Variants in RNASEH2B observed in about 807,000 individuals in gnomAD.
RNASEH2B encodes the protein Aicardi-Goutieres syndrome 2 protein.
Under a neutral mutation model 45.0 loss-of-function variants are expected in RNASEH2B, and 36 were observed. The ratio of observed to expected loss-of-function variants is 0.80; its 90% CI spans 0.61 to 1.06. The LOEUF (loss-of-function observed/expected upper bound fraction) is 1.06. Among genes scored for constraint, RNASEH2B ranks in the 50% least tolerant of loss-of-function variants. The pLI is 0.00. For missense variants in RNASEH2B, 361 were observed against 360.3 expected (o/e 1.00, Z -0.02); for synonymous variants, 119 against 125.7 (o/e 0.95, Z 0.35).
Position 50,956,598 on chromosome 13 carries a change from A to G in RNASEH2B, c.*124A>G, listed in dbSNP as rs1441319652. On this transcript the variant is annotated 3_prime_UTR_variant, in exon 11 of 11. Coordinates refer to ENST00000336617, the MANE Select transcript of RNASEH2B (RefSeq NM_024570.4). ...AGGCCAATTTCATGTTCTCTTAAAC[A>G]TTTCTTTGCATTTGGTTTTTGTGTT... is the stretch of plus-strand genomic sequence containing the variant. 26 of 1,483,628 alleles carry G rather than the reference A, an allele frequency of 1.8e-5. No homozygotes were observed. Among genetic ancestry groups the G allele is most frequent in the Non-Finnish European group, 2.2e-5 (25 of 1,114,126 alleles). 91.9% of individuals were successfully genotyped at this position (1,483,628 alleles called of 1,614,324 possible).
At chr13:50,927,935 T>C (rs1951621715) in intron 2 of RNASEH2B, among the ~76,000 whole-genome samples, 1 of 151,638 alleles carries the variant, frequency 6.6e-6, no homozygotes, top group South Asian at 2.1e-4. Flanking sequence ...GTTTTAGCTA[T>C]ACTTCCCTAT....
chr13:50,963,156 T>TTTTA lies in RNASEH2B; in HGVS notation c.742-6756_742-6753dup, dbSNP rs556918908. On this transcript the variant is annotated intron_variant, in intron 9 of 9. Transcript: ENST00000422660. The stretch of plus-strand genomic sequence containing the variant: ...TTAATTTTTACTTTAAATATTGTAA[T>TTTTA]TTTATTTATTTATTTATTTATTTTT... Among the ~76,000 whole-genome samples, 47 of 152,080 alleles carry TTTTA rather than the reference T, an allele frequency of 3.1e-4. 1 individual carries two copies. Among genetic ancestry groups the TTTTA allele is most frequent in the East Asian group, 5.8e-4 (3 of 5,184 alleles).
At chr13:50,949,430 G>A (rs746773572) in intron 8 of RNASEH2B, 33 bp from the exon 9 acceptor site, 85 of 1,607,348 alleles carry the variant, frequency 5.3e-5, no homozygotes, top group Non-Finnish European at 6.6e-5. Flanking sequence ...TATGAAAAAC[G>A]ATGACTTTGA....
rs1395100551 is a variant in RNASEH2B, at chr13:50,949,459, T to C, written c.699-4T>C. The C allele has an allele frequency of 6.2e-7, 1 of 1,613,336 alleles. No individual in the cohort carries two copies. Among genetic ancestry groups the C allele is most frequent in the East Asian group, 2.2e-5 (1 of 44,826 alleles). ...ACTTTGATTGTTATTTTTAACTTTC[T>C]TAGGCTTCCAGAACCTTCAGCCTCA... On this transcript the variant is annotated splice_region_variant and splice_polypyrimidine_tract_variant and intron_variant, in intron 8 of 10. Coordinates refer to ENST00000336617, the MANE Select transcript of RNASEH2B (RefSeq NM_024570.4).
intron 8 of RNASEH2B, chr13:50,949,183 T>G: frequency 2.9e-6 from 1 of 347,636 alleles, no homozygotes; most frequent in Admixed American, 4.3e-5. Context: ...GAAACACAAA[T>G]TTATAGAGGC....
At chr13:50,953,067 C>T (rs552003697) in intron 9 of RNASEH2B, 1 of 152,236 alleles carries the variant, frequency 6.6e-6, no homozygotes, top group Admixed American at 6.5e-5. Flanking sequence ...CTGGTGTCTC[C>T]ATAAACAGCC....
downstream of RNASEH2B, among the ~76,000 whole-genome samples, chr13:50,958,380 T>C (rs568663806): frequency 6.6e-6 from 1 of 152,196 alleles, no homozygotes; most frequent in East Asian, 1.9e-4. Flanking sequence ...TTGTTGACTT[T>C]GTTGGAGATC....
intron 9 of RNASEH2B, among the ~76,000 whole-genome samples, chr13:50,964,652 A>G (rs1379327801): frequency 1.3e-5 from 2 of 152,222 alleles, no homozygotes; most frequent in Admixed American, 6.5e-5. Context: ...GGATGAGTAC[A>G]TGATAGTCAG....
At chr13:50,949,617 A>C in intron 9 of RNASEH2B, 112 bp downstream of exon 9, 1 of 929,570 alleles carries the variant, frequency 1.1e-6, no homozygotes, top group African/African-American at 1.6e-5. Flanking sequence ...TCCATTTTGC[A>C]TGGAGTGATG....
At chr13:50,956,032 G>A (rs571841981) in intron 10 of RNASEH2B, 156 of 237,770 alleles carry the variant, frequency 6.6e-4, no homozygotes, top group African/African-American at 1.6e-3. Flanking sequence ...TGACAATTGC[G>A]GCCTGTGTCA....
chr13:50,965,699 C>T (rs902059278), intron 9 of RNASEH2B, among the ~76,000 whole-genome samples: 4 of 152,084 alleles, frequency 2.6e-5, no homozygotes, highest in Non-Finnish European at 4.4e-5. Flanking sequence ...CTTGTATGGG[C>T]CTTAAATTTG....
chr13:50,943,996 G>A (rs1339672151), intron 6 of RNASEH2B, among the ~76,000 whole-genome samples: 9 of 151,214 alleles, frequency 6.0e-5, no homozygotes, highest in South Asian at 2.1e-4. Flanking sequence ...GGGATGGGAC[G>A]GGACAGGACG....
intron 1 of RNASEH2B, among the ~76,000 whole-genome samples, chr13:50,924,787 A>G (rs902074559): frequency 1.3e-5 from 2 of 152,180 alleles, no homozygotes; most frequent in Non-Finnish European, 2.9e-5. Context: ...GGCTCAAGCA[A>G]TCTGTCCACC....
rs117857117 is a variant in RNASEH2B at position 50,920,396 on chromosome 13, C to T, written c.65-7011C>T. On this transcript the variant is annotated intron_variant, in intron 1 of 10. Transcript: ENST00000336617. ...ATTTGCTGCCAGAGTTAATGGTGAC[C>T]GGTGGGATATACAATTGAATCTTTA... 1.4e-4 allele frequency among the ~76,000 whole-genome samples: 22 copies of T among 152,164 alleles called. 1 individual carries two copies. Among genetic ancestry groups the T allele is most frequent in the East Asian group, 9.6e-4 (5 of 5,186 alleles).
downstream of RNASEH2B, chr13:50,959,794 T>A (rs1952092767): frequency 6.3e-6 from 1 of 159,894 alleles, no homozygotes; most frequent in Admixed American, 6.4e-5. Flanking sequence ...ATCTAGAGAA[T>A]GTGTAATTAT....
chr13:50,933,941 C>T (rs1400467275), intron 4 of RNASEH2B: 1 of 152,072 alleles, frequency 6.6e-6, no homozygotes, highest in East Asian at 1.9e-4. Flanking sequence ...GTATGGCAAG[C>T]TATCACGTGT....
intron 1 of RNASEH2B, among the ~76,000 whole-genome samples, chr13:50,920,167 C>T (rs1951503946): frequency 6.6e-6 from 1 of 152,162 alleles, no homozygotes; most frequent in African/African-American, 2.4e-5. Flanking sequence ...GCCTCAGCCT[C>T]CCAAGTAGCT....
chr13:50,910,130 C>A lies in RNASEH2B; in HGVS notation c.54C>A (p.Phe18Leu). ...GGGTTGGCGCCCGGCAGCACGTGTT[C>A]CTGGTTTCAGGTAAACACGCGCGCC... ...GDGVGARQHV[F>L]LVSEYLKDAS... The change falls in exon 1 of 11, where the codon TTC becomes TTA. Residue 18 changes from phenylalanine (F) to leucine (L), a missense_variant. Physicochemically the swap from Phe to Leu is conservative, Grantham distance 22. Coordinates refer to ENST00000336617, the MANE Select transcript of RNASEH2B (RefSeq NM_024570.4). 1 of 1,457,318 alleles carries A rather than the reference C, an allele frequency of 6.9e-7. No individual in the cohort carries two copies. The highest frequency in any genetic ancestry group is 2.6e-5 in the Admixed American group (1 of 38,262). The allele number at this position is 1,457,318 out of a possible 1,614,324, so 90.3% of individuals were successfully genotyped here. A position where few individuals can be genotyped will look rare whatever the true frequency, so the allele number is the denominator to read the frequency against.
At chr13:50,935,992 A>G (rs1566083050) in intron 5 of RNASEH2B, 1 of 152,166 alleles carries the variant, frequency 6.6e-6, no homozygotes, top group Non-Finnish European at 1.5e-5. Flanking sequence ...GATGGACCCA[A>G]CTGCATCTGG....
Sources: allele counts gnomAD v4.1 joint callset (sites outside exome capture counted in the v4.1 genomes callset), GRCh38; gene constraint gnomAD v4.1.1; transcripts MANE v1.5; gene names NCBI Gene and HGNC (gene_info 2026-07-23, HGNC 2026-07-21).